Variants in STK39 observed in about 807,000 individuals in gnomAD.
STK39 encodes serine/threonine kinase 39, also known as STE20/SPS1-related proline-alanine-rich protein kinase.
A neutral mutation model predicts 77.8 loss-of-function variants in STK39; 20 were observed. The observed-to-expected ratio is 0.26, with a 90% CI of 0.18 to 0.37. STK39 has a LOEUF of 0.37. Among genes scored for constraint, STK39 ranks in the 10% least tolerant of loss-of-function variants. The pLI is 1.00. For missense variants in STK39, 479 were observed against 656.5 expected (o/e 0.73, Z 2.95); for synonymous variants, 246 against 234.1 (o/e 1.05, Z -0.47).
chr2:168,182,832 G>T (rs781178824), intron 1 of STK39, among the ~76,000 whole-genome samples: 10 of 152,082 alleles, frequency 6.6e-5, no homozygotes, highest in Non-Finnish European at 1.5e-4. Context: ...AAGGTTTTCA[G>T]GTTAAGGCAT....
intron 1 of STK39, among the ~76,000 whole-genome samples, chr2:168,239,096 G>A (rs1433414657): frequency 6.6e-6 from 1 of 152,124 alleles, no homozygotes; most frequent in Non-Finnish European, 1.5e-5. Flanking sequence ...TAGAACTCCT[G>A]CCATCCTAAC....
At chr2:168,064,630 T>A (rs1340208869) in intron 13 of STK39, among the ~76,000 whole-genome samples, 1 of 152,202 alleles carries the variant, frequency 6.6e-6, no homozygotes, top group East Asian at 1.9e-4. Flanking sequence ...CAGAAATGAA[T>A]TTAAATTGAA....
At chr2:168,080,674 C>G (rs547653018) in intron 10 of STK39, among the ~76,000 whole-genome samples, 2 of 152,264 alleles carry the variant, frequency 1.3e-5, no homozygotes, top group African/African-American at 2.4e-5. Flanking sequence ...GGGAAAACAT[C>G]TCCAGGGCAT....
chr2:168,196,001 G>A lies in STK39; in HGVS notation c.209-13911C>T, dbSNP rs546203499. Among the ~76,000 whole-genome samples the A allele has an allele frequency of 6.6e-5, 10 of 152,292 alleles. No homozygotes were observed. The South Asian group carries it at 8.3e-4, about 13-fold the overall frequency. ...CATTGCACTCCAGCCTGGGCTACAA[G>A]AGCAAAACTCCATTTCAAAAGGAAA... is the stretch of plus-strand genomic sequence containing the variant. On this transcript the variant is annotated intron_variant, in intron 1 of 17. Coordinates refer to ENST00000355999, the MANE Select transcript of STK39 (RefSeq NM_013233.3).
intron 16 of STK39, among the ~76,000 whole-genome samples, chr2:167,975,838 G>C (rs1683262771): frequency 6.6e-6 from 1 of 152,208 alleles, no homozygotes; most frequent in Non-Finnish European, 1.5e-5. Context: ...CAGAAAGCCG[G>C]CTTAGCCAAG....
rs145922721 is a variant in STK39, at chr2:167,990,527, A to G, written c.1498+22107T>C. Among the ~76,000 whole-genome samples the G allele has an allele frequency of 4.4e-3, 677 of 152,274 alleles. 6 individuals carry two copies. The highest frequency in any genetic ancestry group is 0.015 in the African/African-American group (644 of 41,552). The stretch of plus-strand genomic sequence containing the variant: ...TCTTGCCTGGGTAATGTAGTAAAAA[A>G]CGATTGCACATCCAGCTTCTGGTTT... On this transcript the variant is annotated intron_variant, in intron 16 of 17. Transcript: ENST00000355999.
At chr2:168,211,064 T>C (rs1045089699) in intron 1 of STK39, among the ~76,000 whole-genome samples, 1 of 152,182 alleles carries the variant, frequency 6.6e-6, no homozygotes, top group Non-Finnish European at 1.5e-5. Context: ...ATTTACGTAA[T>C]CACAATGAAC....
At chr2:168,158,710 A>G (rs1398382312) in intron 5 of STK39, among the ~76,000 whole-genome samples, 2 of 152,186 alleles carry the variant, frequency 1.3e-5, no homozygotes, top group Non-Finnish European at 2.9e-5. Context: ...CCCCACTGTA[A>G]TTTAGTTTCT....
intron 14 of STK39, among the ~76,000 whole-genome samples, chr2:168,057,958 C>T (rs765020818): frequency 6.6e-6 from 1 of 152,106 alleles, no homozygotes; most frequent in Non-Finnish European, 1.5e-5. Context: ...CTGTCCCCTC[C>T]CTCATTCAAT....
At chr2:168,068,913 C>T (rs1163481814) in intron 12 of STK39, among the ~76,000 whole-genome samples, 2 of 152,066 alleles carry the variant, frequency 1.3e-5, no homozygotes, top group Non-Finnish European at 2.9e-5. Context: ...AACATGTTTT[C>T]GTAGAAATAT....
At chr2:168,246,056 T>G (rs1424195243) in intron 1 of STK39, among the ~76,000 whole-genome samples, 1 of 152,184 alleles carries the variant, frequency 6.6e-6, no homozygotes, top group East Asian at 1.9e-4. Context: ...TATATCTGTT[T>G]TAATTTTTTT....
At chr2:168,139,795 T>C (rs1687932962) in intron 7 of STK39, among the ~76,000 whole-genome samples, 1 of 151,844 alleles carries the variant, frequency 6.6e-6, no homozygotes, top group South Asian at 2.1e-4. Context: ...AACGTGAAAA[T>C]AGCATCCTAA....
intron 14 of STK39, among the ~76,000 whole-genome samples, chr2:168,018,010 A>T (rs1263403122): frequency 6.6e-6 from 1 of 152,214 alleles, no homozygotes; most frequent in Non-Finnish European, 1.5e-5. Flanking sequence ...TATGCAATTT[A>T]AAAATTAAAT....
intron 14 of STK39, among the ~76,000 whole-genome samples, chr2:168,024,515 G>A (rs1004593625): frequency 2.0e-5 from 3 of 152,202 alleles, no homozygotes; most frequent in African/African-American, 7.2e-5. Flanking sequence ...GCTTGAGGCT[G>A]TGAGTTTAAT....
chr2:168,245,448 A>G (rs1033211574), intron 1 of STK39, among the ~76,000 whole-genome samples: 1 of 152,244 alleles, frequency 6.6e-6, no homozygotes, highest in Admixed American at 6.5e-5. Flanking sequence ...GCAAATAACA[A>G]CTATGAGGTT....
intron 1 of STK39, among the ~76,000 whole-genome samples, chr2:168,233,410 T>C (rs16855160): frequency 0.13 from 19,977 of 152,106 alleles, 1,408 homozygotes; most frequent in East Asian, 0.22. Flanking sequence ...TTGCCCAAAA[T>C]TAAACCCACT....
At chr2:167,965,845 G>C (rs1423015568) in intron 16 of STK39, among the ~76,000 whole-genome samples, 1 of 152,142 alleles carries the variant, frequency 6.6e-6, no homozygotes, top group Non-Finnish European at 1.5e-5. Flanking sequence ...GTAGAAAGTA[G>C]TAAGAAATCT....
chr2:168,137,420 T>G lies in STK39; in HGVS notation c.974+668A>C, dbSNP rs181735808. Among the ~76,000 whole-genome samples the G allele has an allele frequency of 3.3e-5, 5 of 152,236 alleles. No individual in the cohort carries two copies. In the East Asian group the frequency reaches 9.6e-4, roughly 29 times the overall value. On this transcript the variant is annotated intron_variant, in intron 8 of 17. Coordinates refer to ENST00000355999, the MANE Select transcript of STK39 (RefSeq NM_013233.3). Reference sequence around the variant, plus strand: ...AGGTGACAAAGAACAGTGGGCTCCATGATCACTAACCAGGATATTTCAAAG... The same window carrying G: ...AGGTGACAAAGAACAGTGGGCTCCAGGATCACTAACCAGGATATTTCAAAG...
At chr2:167,978,296 C>CG (rs1386605539) in intron 16 of STK39, among the ~76,000 whole-genome samples, 1 of 151,864 alleles carries the variant, frequency 6.6e-6, no homozygotes, top group Non-Finnish European at 1.5e-5. Flanking sequence ...TTGGGAGGTG[C>CG]GGGGGAGAGG....
Sources: gnomAD v4.1 joint callset for allele counts (sites outside exome capture counted in the v4.1 genomes callset) on GRCh38, gnomAD v4.1.1 for gene constraint, MANE v1.5 for transcripts, NCBI Gene and HGNC (gene_info 2026-07-23, HGNC 2026-07-21) for gene names.